The following TRPM3 variants were observed in gnomAD, a reference collection of about 807,000 sequenced individuals.
TRPM3 encodes transient receptor potential cation channel subfamily M member 3.
A neutral mutation model predicts 181.2 loss-of-function variants in TRPM3; 77 were observed. The observed-to-expected ratio is 0.42, with a 90% CI of 0.35 to 0.51. The LOEUF (loss-of-function observed/expected upper bound fraction) is 0.51. Among genes scored for constraint, TRPM3 ranks in the 20% least tolerant of loss-of-function variants. TRPM3 has a pLI of 0.01. For synonymous variants in TRPM3, 745 were observed against 796.4 expected, an observed-to-expected ratio of 0.94 and a Z score of 1.09; for missense variants, 1,759 against 2,196.7, an observed-to-expected ratio of 0.80 and a Z score of 3.98.
intron 1 of TRPM3, among the ~76,000 whole-genome samples, chr9:71,004,236 C>T (rs1159231478): frequency 6.6e-6 from 1 of 152,218 alleles, no homozygotes; most frequent in African/African-American, 2.4e-5. Flanking sequence ...GCTCAAATCC[C>T]TGGCTGAATT....
intron 8 of TRPM3, among the ~76,000 whole-genome samples, chr9:70,688,843 A>T (rs1424177994): frequency 6.6e-6 from 1 of 152,096 alleles, no homozygotes; most frequent in South Asian, 2.1e-4. Context: ...TGCCCCTATG[A>T]TTCTCTAAGC....
intron 1 of TRPM3, among the ~76,000 whole-genome samples, chr9:71,202,590 G>A (rs770841392): frequency 3.3e-5 from 5 of 152,164 alleles, no homozygotes; most frequent in Non-Finnish European, 4.4e-5. Flanking sequence ...AAAGTGGCAG[G>A]TACACAAAAC....
intron 1 of TRPM3, among the ~76,000 whole-genome samples, chr9:71,212,622 C>G (rs1024092167): frequency 6.6e-6 from 1 of 152,158 alleles, no homozygotes; most frequent in Non-Finnish European, 1.5e-5. Flanking sequence ...ATGGCTGACA[C>G]TAGCATTCCC....
intron 1 of TRPM3, among the ~76,000 whole-genome samples, chr9:71,420,671 GAGAGAAA>G (rs2093718514): frequency 7.7e-6 from 1 of 129,396 alleles, no homozygotes; most frequent in Non-Finnish European, 1.7e-5. Context: ...GAGAAAGAAA[GAGAGAAA>G]GAAAGAGAAA....
Position 70,537,533 on chromosome 9 carries a change from T to C in TRPM3, c.3708-128A>G, listed in dbSNP as rs189265063. ...TTCAATGGAAGACAGGTTACAGGTGTTGAGAGGGGTTGGGGAGGAGAGAAT... is the reference window on the plus strand; with the variant it reads ...TTCAATGGAAGACAGGTTACAGGTGCTGAGAGGGGTTGGGGAGGAGAGAAT... On this transcript the variant is annotated intron_variant, in intron 25 of 25. Coordinates refer to ENST00000677713, the MANE Select transcript of TRPM3 (RefSeq NM_001366145.2). 9.0e-5 allele frequency: 63 copies of C among 698,816 alleles called. No homozygotes were observed. In the African/African-American group the frequency reaches 1.1e-3, roughly 12 times the overall value. 43.3% of individuals were successfully genotyped at this position (698,816 alleles called of 1,614,324 possible).
chr9:70,761,882 A>C (rs890690207), intron 7 of TRPM3, among the ~76,000 whole-genome samples, 158 bp from the exon 8 acceptor site: 2 of 152,216 alleles, frequency 1.3e-5, no homozygotes, highest in African/African-American at 4.8e-5. Flanking sequence ...GTGATAATTT[A>C]AAAAGCAAGG....
At chr9:71,032,170 T>A (rs1300710594) in intron 1 of TRPM3, among the ~76,000 whole-genome samples, 1 of 103,632 alleles carries the variant, frequency 9.6e-6, no homozygotes, top group African/African-American at 3.3e-5. Flanking sequence ...TATAATATAT[T>A]ATATATACTA....
intron 6 of TRPM3, among the ~76,000 whole-genome samples, chr9:70,815,225 C>A (rs17554479): frequency 0.03 from 4,541 of 152,078 alleles, 93 homozygotes; most frequent in Middle Eastern, 0.058. Flanking sequence ...AGCCCAACAG[C>A]GGTATTACAT....
intron 1 of TRPM3, among the ~76,000 whole-genome samples, chr9:70,953,560 T>G (rs2097029195): frequency 6.6e-6 from 1 of 152,122 alleles, no homozygotes; most frequent in Non-Finnish European, 1.5e-5. Flanking sequence ...TGTTAAAATT[T>G]TTGAAGTTAA....
At chr9:71,203,635 G>T (rs913331616) in intron 1 of TRPM3, among the ~76,000 whole-genome samples, 1 of 152,102 alleles carries the variant, frequency 6.6e-6, no homozygotes, top group African/African-American at 2.4e-5. Context: ...ACCTCTCTGT[G>T]TCTGAATTTC....
intron 21 of TRPM3, among the ~76,000 whole-genome samples, chr9:70,597,058 C>T (rs999900157): frequency 6.6e-6 from 1 of 152,104 alleles, no homozygotes; most frequent in Non-Finnish European, 1.5e-5. Flanking sequence ...CTCAGCCTCC[C>T]GAGTAGCTAG....
chr9:70,642,894 A>G (rs1211322826), intron 9 of TRPM3, among the ~76,000 whole-genome samples: 1 of 152,132 alleles, frequency 6.6e-6, no homozygotes, highest in African/African-American at 2.4e-5. Context: ...GTTTCTAACC[A>G]GCTCCCAGGT....
intron 1 of TRPM3, among the ~76,000 whole-genome samples, chr9:71,148,977 A>G (rs1196153977): frequency 6.6e-6 from 1 of 152,220 alleles, no homozygotes; most frequent in South Asian, 2.1e-4. Context: ...GGGGATTCAG[A>G]AAGAATCATA....
At position 70,653,677 on chromosome 9, in the gene TRPM3, CAAAAAA is replaced by C. The variant is rs71507003; in HGVS notation, c.1346-13023_1346-13018del. On this transcript the variant is annotated intron_variant, in intron 9 of 25. Coordinates refer to ENST00000677713, the MANE Select transcript of TRPM3 (RefSeq NM_001366145.2). Reference sequence around the variant, plus strand: ...TGGTTTCTGAGTTTGCTTCCTGTCTCAAAAAAAAAAAAAAAAAAAAAAACAAACCAA... The same window carrying C: ...TGGTTTCTGAGTTTGCTTCCTGTCTCAAAAAAAAAAAAAAAAACAAACCAA... Among the ~76,000 whole-genome samples, 3 of 103,132 alleles carry C rather than the reference CAAAAAA, an allele frequency of 2.9e-5. No homozygotes were observed. The East Asian group carries it at 8.5e-4, about 29-fold the overall frequency. The allele number at this position is 103,132 out of a possible 152,430, so 67.7% of individuals were successfully genotyped here. A position where few individuals can be genotyped will look rare whatever the true frequency, so the allele number is the denominator to read the frequency against.
At chr9:71,035,872 T>C (rs898620156) in intron 1 of TRPM3, among the ~76,000 whole-genome samples, 8 of 151,752 alleles carry the variant, frequency 5.3e-5, no homozygotes. Flanking sequence ...ATAAAATATA[T>C]GGTACAAATT....
rs2040598398 is a variant in TRPM3 at position 70,529,635 on chromosome 9, C to T, written c.*6318G>A. The stretch of plus-strand genomic sequence containing the variant: ...TAGAATTATGTGGCTAACAAATATA[C>T]ATGCATATATCATTCAGAACAAGAG... On this transcript the variant is annotated 3_prime_UTR_variant, in exon 26 of 26. Transcript: ENST00000677713. 6.6e-6 allele frequency: 1 copy of T among 152,194 alleles called. No homozygotes were observed. Among genetic ancestry groups the T allele is most frequent in the African/African-American group, 2.4e-5 (1 of 41,454 alleles). 9.4% of individuals were successfully genotyped at this position (152,194 alleles called of 1,614,324 possible).
chr9:71,353,372 T>C (rs989352541), intron 1 of TRPM3, among the ~76,000 whole-genome samples: 1 of 152,106 alleles, frequency 6.6e-6, no homozygotes, highest in Non-Finnish European at 1.5e-5. Context: ...ACACAGTAAA[T>C]AATGGTTGAG....
chr9:70,982,027 T>G (rs1406619592), intron 1 of TRPM3, among the ~76,000 whole-genome samples: 1 of 152,152 alleles, frequency 6.6e-6, no homozygotes. Flanking sequence ...TTCTCAAACC[T>G]TGAAACACTG....
upstream of TRPM3, among the ~76,000 whole-genome samples, chr9:71,126,195 G>T (rs139170588): frequency 7.0e-4 from 107 of 152,262 alleles, 2 homozygotes; most frequent in East Asian, 0.021. Context: ...TCTCACAACA[G>T]TCAGAATGAC....
Sources: gnomAD v4.1 joint callset for allele counts (sites outside exome capture counted in the v4.1 genomes callset) on GRCh38, gnomAD v4.1.1 for gene constraint, MANE v1.5 for transcripts, NCBI Gene and HGNC (gene_info 2026-07-23, HGNC 2026-07-21) for gene names.